Variants in DST observed in about 807,000 individuals in gnomAD.
DST encodes the protein dystonin, also known as bullous pemphigoid antigen.
DST carries 253 observed loss-of-function variants against 875.2 expected under a neutral mutation model. The ratio of observed to expected loss-of-function variants is 0.29; its 90% confidence interval spans 0.26 to 0.32. The LOEUF (loss-of-function observed/expected upper bound fraction) is 0.32. DST is among the 10% of genes least tolerant of loss of function. The probability of loss-of-function intolerance (pLI) is 1.00; values close to 1 mark genes in which losing one functional copy is unlikely to be tolerated. For synonymous variants in DST, 3,124 were observed against 3,197.1 expected (o/e 0.98, Z 0.77); for missense variants, 8,287 against 9,111.6 (o/e 0.91, Z 3.68).
chr6:56,906,919 GC>G (rs1284096684), intron 2 of DST, among the ~76,000 whole-genome samples: 8 of 152,144 alleles, frequency 5.3e-5, no homozygotes, highest in Non-Finnish European at 7.3e-5. Flanking sequence ...TGAGGTGATA[GC>G]TCACTGTAGC....
rs796116206 is a variant in DST at position 56,824,156 on chromosome 6, G to A, written c.625+27241C>T. 2.2e-4 allele frequency among the ~76,000 whole-genome samples: 33 copies of A among 152,282 alleles called. No homozygotes were observed. The East Asian group carries it at 5.6e-3, about 26-fold the overall frequency. ...GCCGAGTGCCTGCGATTGCAGGCGC[G>A]CGCCGCCACGCCTGACTGGTTTTCG... On this transcript the variant is annotated intron_variant, in intron 4 of 103. Transcript: ENST00000680361.
At chr6:56,473,840 A>G (rs1318701999) in intron 93 of DST, 33 bp downstream of exon 93, 2 of 1,567,686 alleles carry the variant, frequency 1.3e-6, no homozygotes, top group Non-Finnish European at 8.6e-7. Context: ...TCCCTTATTT[A>G]TTGACATTTT....
intron 73 of DST, 58 bp downstream of exon 73, chr6:56,511,139 T>C (rs911634268): frequency 1.4e-6 from 2 of 1,391,098 alleles, no homozygotes; most frequent in Non-Finnish European, 2.0e-6. Flanking sequence ...CAGGAAAATG[T>C]CTTTCTGTGC....
At chr6:56,766,671 C>A (rs373366699) in intron 4 of DST, among the ~76,000 whole-genome samples, 1 of 152,132 alleles carries the variant, frequency 6.6e-6, no homozygotes, top group African/African-American at 2.4e-5. Context: ...GCTGGGATTA[C>A]AGGCACGCGC....
chr6:56,776,243 C>T (rs1275013234), intron 4 of DST, among the ~76,000 whole-genome samples: 1 of 152,148 alleles, frequency 6.6e-6, no homozygotes, highest in East Asian at 1.9e-4. Flanking sequence ...CACTACTCCT[C>T]AAAACTGTCA....
At chr6:56,935,419 T>A (rs145948044) in intron 2 of DST, among the ~76,000 whole-genome samples, 17 of 152,266 alleles carry the variant, frequency 1.1e-4, no homozygotes, top group African/African-American at 4.1e-4. Flanking sequence ...CTATTTAATG[T>A]TCTTTTAATG....
At position 56,508,607 on chromosome 6, in the gene DST, A is replaced by G; in HGVS notation, c.19161T>C (p.Asp6387=). 2 of 1,613,890 alleles carry G rather than the reference A, an allele frequency of 1.2e-6. No homozygotes were observed. Among genetic ancestry groups the G allele is most frequent in the South Asian group, 1.1e-5 (1 of 91,082 alleles). Residue 6387 remains aspartate, a synonymous_variant, in exon 75 of 104, where the codon GAT becomes GAC. Coordinates refer to ENST00000680361, the MANE Select transcript of DST (RefSeq NM_001374736.1). ...CCAGGTCCCGGATGAAATCTTGAGT[A>G]TCTTTAATGGTAACTATCAATGACA... ...DHMSLIVTIK[D]TQDFIRDLED...
At chr6:56,491,838 A>G (rs2095756500) in intron 85 of DST, among the ~76,000 whole-genome samples, 1 of 152,186 alleles carries the variant, frequency 6.6e-6, no homozygotes, top group African/African-American at 2.4e-5. Flanking sequence ...CTTAGGAACT[A>G]AACAAAAGGT....
At position 56,618,258 on chromosome 6, in the gene DST, G is replaced by C. The variant is rs771381660; in HGVS notation, c.4930-3774C>G. On this transcript the variant is annotated intron_variant, in intron 36 of 103. Coordinates refer to ENST00000680361, the MANE Select transcript of DST (RefSeq NM_001374736.1). The stretch of plus-strand genomic sequence containing the variant: ...GGTATCTGTTCAACAACCCGATGCT[G>C]CCACTTCTCTTCCAATGGCTGTGGT... The C allele has an allele frequency of 2.5e-6, 4 of 1,614,082 alleles. No individual in the cohort carries two copies. The South Asian group carries it at 4.4e-5, about 18-fold the overall frequency.
chr6:56,595,309 G>A (rs767618358), intron 47 of DST, among the ~76,000 whole-genome samples: 2 of 151,542 alleles, frequency 1.3e-5, no homozygotes, highest in Non-Finnish European at 2.9e-5. Flanking sequence ...TTGGCTAATT[G>A]CACCCATCTC....
At chr6:56,468,313 C>A (rs2094694893) in intron 98 of DST, among the ~76,000 whole-genome samples, 1 of 151,954 alleles carries the variant, frequency 6.6e-6, no homozygotes, top group South Asian at 2.1e-4. Context: ...GACTTAAGTG[C>A]CAATAATATA....
At chr6:56,630,437 T>G in intron 30 of DST, 54 bp from the exon 31 acceptor site, 2 of 1,505,882 alleles carry the variant, frequency 1.3e-6, no homozygotes, top group Admixed American at 3.5e-5. Flanking sequence ...TATTTTTGCA[T>G]AATGTAGTCC....
intron 90 of DST, among the ~76,000 whole-genome samples, chr6:56,477,882 A>G (rs1409465505): frequency 1.3e-5 from 2 of 152,222 alleles, no homozygotes; most frequent in Non-Finnish European, 2.9e-5. Context: ...TGTTGTAAAT[A>G]GTTGTTATAC....
intron 34 of DST, among the ~76,000 whole-genome samples, chr6:56,625,613 A>G (rs1313160452): frequency 6.6e-6 from 1 of 152,138 alleles, no homozygotes; most frequent in Non-Finnish European, 1.5e-5. Context: ...CCCGTCACAC[A>G]AAAGTATAGC....
At chr6:56,513,047 G>A (rs1236488354) in intron 72 of DST, among the ~76,000 whole-genome samples, 1 of 152,098 alleles carries the variant, frequency 6.6e-6, no homozygotes, top group Non-Finnish European at 1.5e-5. Flanking sequence ...TGTTACATAC[G>A]TTCTCCTGTC....
chr6:56,664,556 C>A (rs1229039503), intron 10 of DST, among the ~76,000 whole-genome samples: 4 of 152,180 alleles, frequency 2.6e-5, no homozygotes, highest in African/African-American at 9.7e-5. Flanking sequence ...CTCCTAGGAT[C>A]CCTTGCCTAT....
intron 4 of DST, among the ~76,000 whole-genome samples, chr6:56,821,479 G>T (rs1013116436): frequency 6.6e-6 from 1 of 152,184 alleles, no homozygotes; most frequent in African/African-American, 2.4e-5. Context: ...TGGGCAGCAT[G>T]ATTAAGTGGA....
chr6:56,530,156 T>C (rs535912606), intron 64 of DST, 23 bp from the exon 65 acceptor site: 6 of 1,537,654 alleles, frequency 3.9e-6, no homozygotes, highest in African/African-American at 2.8e-5. Context: ...CAAAAGGTCA[T>C]TTAGGGATGA....
At chr6:56,565,824 T>C (rs1323785414) in intron 55 of DST, among the ~76,000 whole-genome samples, 1 of 152,194 alleles carries the variant, frequency 6.6e-6, no homozygotes, top group East Asian at 1.9e-4. Context: ...AGGTGCTCTG[T>C]CCCAGGGAGA....
Sources: allele counts gnomAD v4.1 joint callset (sites outside exome capture counted in the v4.1 genomes callset), GRCh38; gene constraint gnomAD v4.1.1; transcripts MANE v1.5; gene names NCBI Gene and HGNC (gene_info 2026-07-23, HGNC 2026-07-21).